ALK: variants seen among roughly 807,000 people sequenced by gnomAD.
ALK encodes the protein ALK tyrosine kinase receptor.
A neutral mutation model predicts 163.1 loss-of-function variants in ALK; 74 were observed. The observed-to-expected ratio is 0.45, with a 90% CI of 0.38 to 0.55. The LOEUF (loss-of-function observed/expected upper bound fraction) is 0.55, where lower values mean the gene tolerates loss of function less well. Among genes scored for constraint, ALK ranks in the 20% least tolerant of loss-of-function variants. ALK has a pLI of 0.00. For synonymous variants in ALK, 960 were observed against 843.2 expected, an observed-to-expected ratio of 1.14 and a Z score of -2.40; for missense variants, 2,063 against 2,105.3, an observed-to-expected ratio of 0.98 and a Z score of 0.39.
rs184487746 is a variant in ALK, at chr2:29,383,614, G to T, written c.1282+118C>A. On this transcript the variant is annotated intron_variant, in intron 5 of 28. Transcript: ENST00000389048. Reference sequence around the variant, plus strand: ...TTACAGGTGTGAGCCACAGCACCCAGCCCACTCTAGACTTTTCTTCATAAG... The same window carrying T: ...TTACAGGTGTGAGCCACAGCACCCATCCCACTCTAGACTTTTCTTCATAAG... 789 of 1,380,456 alleles carry T rather than the reference G, an allele frequency of 5.7e-4. 2 individuals are homozygous for T. The African/African-American group carries it at 1.0e-2, about 17-fold the overall frequency. The allele number at this position is 1,380,456 out of a possible 1,614,324, so 85.5% of individuals were successfully genotyped here.
intron 1 of ALK, among the ~76,000 whole-genome samples, chr2:29,879,347 T>C (rs891556441): frequency 2.6e-5 from 4 of 152,206 alleles, no homozygotes; most frequent in Non-Finnish European, 5.9e-5. Flanking sequence ...TGTGCAACTA[T>C]GCATGCAGCA....
At chr2:29,902,920 A>G (rs1667453549) in intron 1 of ALK, among the ~76,000 whole-genome samples, 1 of 152,192 alleles carries the variant, frequency 6.6e-6, no homozygotes, top group Non-Finnish European at 1.5e-5. Flanking sequence ...TTTTGATTTT[A>G]CAGTGCACTA....
At chr2:29,378,323 G>T (rs1470067981) in intron 5 of ALK, among the ~76,000 whole-genome samples, 1 of 152,176 alleles carries the variant, frequency 6.6e-6, no homozygotes, top group Non-Finnish European at 1.5e-5. Context: ...AAATCATTGG[G>T]TCTTTGTTCA....
At chr2:29,675,955 G>A (rs763887586) in intron 3 of ALK, among the ~76,000 whole-genome samples, 2 of 151,908 alleles carry the variant, frequency 1.3e-5, no homozygotes, top group Non-Finnish European at 2.9e-5. Context: ...TGAACTTCTG[G>A]CATGAAGCAA....
chr2:29,842,345 G>A (rs982476795), intron 1 of ALK, among the ~76,000 whole-genome samples: 5 of 152,164 alleles, frequency 3.3e-5, no homozygotes, highest in African/African-American at 1.2e-4. Flanking sequence ...TACAAGAAAA[G>A]CCCCACCGTC....
intron 1 of ALK, among the ~76,000 whole-genome samples, chr2:29,832,538 T>C (rs539392095): frequency 6.6e-6 from 1 of 152,330 alleles, no homozygotes; most frequent in South Asian, 2.1e-4. Context: ...TGCCCTACAT[T>C]TCTGTCATGC....
chr2:29,863,823 C>A (rs764964808), intron 1 of ALK, among the ~76,000 whole-genome samples: 4 of 152,136 alleles, frequency 2.6e-5, no homozygotes, highest in Non-Finnish European at 5.9e-5. Context: ...GATATCTGCA[C>A]TCCCATGTTG....
intron 3 of ALK, among the ~76,000 whole-genome samples, chr2:29,608,715 A>G (rs1163222148): frequency 6.6e-6 from 1 of 152,102 alleles, no homozygotes; most frequent in African/African-American, 2.4e-5. Flanking sequence ...GTTGTGACCA[A>G]GAAGATGTTT....
intron 4 of ALK, among the ~76,000 whole-genome samples, chr2:29,420,597 A>G (rs1669993344): frequency 6.6e-6 from 1 of 151,486 alleles, no homozygotes; most frequent in Non-Finnish European, 1.5e-5. Flanking sequence ...ACATTCTGCA[A>G]ACGGCATGGG....
intron 1 of ALK, chr2:29,899,524 C>T (rs956086957): frequency 6.6e-6 from 1 of 152,212 alleles, no homozygotes; most frequent in African/African-American, 2.4e-5. Context: ...CAAGCTCTCA[C>T]ATGAAATACC....
At chr2:29,843,312 C>T (rs1256883589) in intron 1 of ALK, among the ~76,000 whole-genome samples, 2 of 151,960 alleles carry the variant, frequency 1.3e-5, no homozygotes, top group Non-Finnish European at 2.9e-5. Context: ...ACGGGGCACA[C>T]ATATACACAT....
intron 4 of ALK, among the ~76,000 whole-genome samples, chr2:29,466,872 T>C (rs899732775): frequency 6.6e-6 from 1 of 152,256 alleles, no homozygotes; most frequent in Non-Finnish European, 1.5e-5. Flanking sequence ...ATATTTTACA[T>C]CTGATAATTT....
At chr2:29,197,820 G>T (rs1285786065) in intron 26 of ALK, 144 bp from the exon 27 acceptor site, 1 of 737,432 alleles carries the variant, frequency 1.4e-6, no homozygotes, top group African/African-American at 1.8e-5. Context: ...TTAAAATGTA[G>T]AAAAATTTAA....
At chr2:29,719,246 T>C (rs891003919) in intron 1 of ALK, among the ~76,000 whole-genome samples, 5 of 152,238 alleles carry the variant, frequency 3.3e-5, no homozygotes, top group Non-Finnish European at 5.9e-5. Context: ...CTTGGGTATC[T>C]AGGAAAGAAT....
chr2:29,209,957 T>C, intron 24 of ALK, 79 bp from the exon 25 acceptor site: 1 of 1,156,232 alleles, frequency 8.6e-7, no homozygotes, highest in South Asian at 1.3e-5. Context: ...GGATTTTATC[T>C]CCAAGCTGAA....
intron 3 of ALK, among the ~76,000 whole-genome samples, chr2:29,657,620 A>T (rs1677223579): frequency 6.6e-6 from 1 of 152,184 alleles, no homozygotes; most frequent in South Asian, 2.1e-4. Context: ...AGAAAAACAC[A>T]GTGGGTAGAT....
chr2:29,655,509 A>T (rs1411901831), intron 3 of ALK, among the ~76,000 whole-genome samples: 1 of 152,196 alleles, frequency 6.6e-6, no homozygotes, highest in African/African-American at 2.4e-5. Context: ...AACAGAGTGC[A>T]TGAGGAACGC....
In ALK at chr2:29,246,176, G is replaced by A. The variant is rs1001575439; in HGVS notation, c.2204+4929C>T. The stretch of plus-strand genomic sequence containing the variant: ...TGGGGGCAGGACTGCGGGCTGAGAA[G>A]GATGCTGGTCCTAGACAGGTAGGAA... On this transcript the variant is annotated intron_variant, in intron 12 of 28. Transcript: ENST00000389048. This position sits in a 1 kb window ranked among gnomAD's most constrained non-coding sequence, Gnocchi z 4.3. Among the ~76,000 whole-genome samples the A allele has an allele frequency of 6.6e-6, 1 of 151,956 alleles. No individual in the cohort carries two copies. The highest frequency in any genetic ancestry group is 1.5e-5 in the Non-Finnish European group (1 of 67,976).
chr2:29,224,790 C>T lies in ALK; in HGVS notation c.3172+671G>A, dbSNP rs148686270. Reference sequence around the variant, plus strand: ...TGAGGGATGGCACCATATGGGGACACAGTGTGTGCTGCCATCTCCCTTCTA... The same window carrying T: ...TGAGGGATGGCACCATATGGGGACATAGTGTGTGCTGCCATCTCCCTTCTA... On this transcript the variant is annotated intron_variant, in intron 19 of 28. Coordinates refer to ENST00000389048, the MANE Select transcript of ALK (RefSeq NM_004304.5). 3.1e-4 allele frequency: 67 copies of T among 217,464 alleles called. 1 individual carries two copies. The highest frequency in any genetic ancestry group is 1.4e-3 in the African/African-American group (62 of 44,510). The allele number at this position is 217,464 out of a possible 1,614,324, so 13.5% of individuals were successfully genotyped here.
Sources: allele counts gnomAD v4.1 joint callset (sites outside exome capture counted in the v4.1 genomes callset), GRCh38; gene constraint gnomAD v4.1.1; non-coding constraint Gnocchi (gnomAD v3.1); transcripts MANE v1.5; gene names NCBI Gene and HGNC (gene_info 2026-07-23, HGNC 2026-07-21).